TCF12: variants seen among roughly 807,000 people sequenced by gnomAD.
The protein encoded by TCF12 is transcription factor 12, also known as DNA-binding protein HTF4.
A neutral mutation model predicts 86.0 loss-of-function variants in TCF12; 45 were observed. That is an observed-to-expected ratio of 0.52 (90% CI 0.41 to 0.67). The LOEUF (loss-of-function observed/expected upper bound fraction) is 0.67, where lower values mean the gene tolerates loss of function less well. Ranked by LOEUF, TCF12 falls within the 30% of genes least tolerant of loss-of-function variation. The pLI is 0.00. For synonymous variants in TCF12, 330 were observed against 299.6 expected (o/e 1.10, Z -1.05); for missense variants, 881 against 859.9 (o/e 1.02, Z -0.31).
chr15:57,011,433 A>G (rs1354108189), intron 3 of TCF12, among the ~76,000 whole-genome samples: 2 of 152,066 alleles, frequency 1.3e-5, no homozygotes, highest in African/African-American at 4.8e-5. Flanking sequence ...CCTCATCAGA[A>G]GCACATTCTA....
At chr15:57,130,250 C>A (rs2052002067) in intron 5 of TCF12, among the ~76,000 whole-genome samples, 1 of 152,132 alleles carries the variant, frequency 6.6e-6, no homozygotes, top group Admixed American at 6.5e-5. Flanking sequence ...GGTTGAAGAA[C>A]TCTGGTTTCC....
At chr15:57,026,904 T>G (rs778450678) in intron 3 of TCF12, among the ~76,000 whole-genome samples, 38 of 152,328 alleles carry the variant, frequency 2.5e-4, no homozygotes, top group Admixed American at 1.1e-3. Flanking sequence ...CATTTCTAGA[T>G]TACATATAAT....
At chr15:57,106,957 C>T (rs1004035158) in intron 5 of TCF12, among the ~76,000 whole-genome samples, 8 of 152,172 alleles carry the variant, frequency 5.3e-5, no homozygotes, top group Non-Finnish European at 7.4e-5. Context: ...AATTCTTGTT[C>T]GTTGCTGGTG....
intron 5 of TCF12, among the ~76,000 whole-genome samples, chr15:57,142,416 A>G (rs2053043527): frequency 1.3e-5 from 1 of 78,594 alleles, no homozygotes; most frequent in Admixed American, 1.5e-4. Flanking sequence ...ATAGAGCCTG[A>G]GAATAGAGCC....
intron 3 of TCF12, among the ~76,000 whole-genome samples, chr15:56,976,430 G>A (rs1186654849): frequency 1.3e-5 from 2 of 150,910 alleles, no homozygotes; most frequent in Non-Finnish European, 3.0e-5. Context: ...GTAGAGATGG[G>A]GTTTCACCAT....
intron 3 of TCF12, among the ~76,000 whole-genome samples, chr15:57,020,774 G>C (rs1020389340): frequency 3.9e-5 from 6 of 152,162 alleles, no homozygotes; most frequent in Non-Finnish European, 8.8e-5. Context: ...CTATGTGTAG[G>C]TGTAACAATG....
At chr15:57,146,370 C>A (rs2053364347) in intron 5 of TCF12, among the ~76,000 whole-genome samples, 2 of 152,090 alleles carry the variant, frequency 1.3e-5, no homozygotes. Flanking sequence ...ACTAGATATA[C>A]AAATTTGTTA....
intron 3 of TCF12, among the ~76,000 whole-genome samples, chr15:56,971,647 G>C (rs1165945845): frequency 2.0e-5 from 3 of 152,088 alleles, no homozygotes; most frequent in African/African-American, 7.2e-5. Context: ...CTGTTGGAGT[G>C]GGAAAGTGTA....
intron 5 of TCF12, among the ~76,000 whole-genome samples, chr15:57,104,183 C>A (rs1181901215): frequency 6.6e-6 from 1 of 151,722 alleles, no homozygotes; most frequent in Admixed American, 6.6e-5. Flanking sequence ...AGGAGAGACA[C>A]CGTATATGTG....
chr15:57,087,840 G>C (rs757043637), intron 4 of TCF12, among the ~76,000 whole-genome samples: 16 of 152,132 alleles, frequency 1.1e-4, no homozygotes, highest in East Asian at 5.8e-4. Flanking sequence ...TGGCTAAAAG[G>C]CTGGTGTAAT....
intron 13 of TCF12, chr15:57,246,838 G>A (rs2059886200): frequency 2.8e-6 from 1 of 351,628 alleles, no homozygotes; most frequent in South Asian, 2.3e-5. Context: ...TGTTCCTTCT[G>A]TGGCAGATTT....
intron 5 of TCF12, among the ~76,000 whole-genome samples, chr15:57,113,343 G>A (rs955254332): frequency 5.9e-5 from 9 of 152,174 alleles, no homozygotes; most frequent in Non-Finnish European, 1.2e-4. Context: ...TCGCTGAGCA[G>A]CATACCTTAG....
intron 19 of TCF12, among the ~76,000 whole-genome samples, chr15:57,276,329 CTT>C (rs2152112085): frequency 6.6e-6 from 1 of 152,306 alleles, no homozygotes; most frequent in Admixed American, 6.5e-5. Context: ...ATGTGGTAGA[CTT>C]AGCATATGCA....
At chr15:56,941,870 A>T (rs1324942575) in intron 3 of TCF12, among the ~76,000 whole-genome samples, 1 of 152,072 alleles carries the variant, frequency 6.6e-6, no homozygotes, top group Admixed American at 6.6e-5. Flanking sequence ...TCATCTCAGT[A>T]ATCTTCTTTA....
intron 5 of TCF12, among the ~76,000 whole-genome samples, chr15:57,142,413 C>G (rs1689998821): frequency 2.3e-5 from 2 of 86,388 alleles, no homozygotes; most frequent in African/African-American, 6.6e-5. Flanking sequence ...CTCATAGAGC[C>G]TGAGAATAGA....
chr15:56,945,093 G>T (rs1208161419), intron 3 of TCF12, among the ~76,000 whole-genome samples: 1 of 151,882 alleles, frequency 6.6e-6, no homozygotes, highest in Non-Finnish European at 1.5e-5. Flanking sequence ...ACGTTCTTTG[G>T]TTCTATTATA....
chr15:57,272,757 T>G (rs548434006), intron 18 of TCF12, among the ~76,000 whole-genome samples: 43 of 152,366 alleles, frequency 2.8e-4, no homozygotes, highest in Non-Finnish European at 5.6e-4. Flanking sequence ...ATCTTATATT[T>G]ATGAAGAGTT....
chr15:57,178,373 T>C (rs1230511101), intron 6 of TCF12, among the ~76,000 whole-genome samples: 1 of 152,212 alleles, frequency 6.6e-6, no homozygotes, highest in Non-Finnish European at 1.5e-5. Flanking sequence ...CATGCCTAAC[T>C]ATATGTCTAA....
chr15:57,172,934 C>G (rs958194482), intron 6 of TCF12, among the ~76,000 whole-genome samples: 10 of 147,628 alleles, frequency 6.8e-5, no homozygotes, highest in African/African-American at 2.6e-4. Context: ...GACTCTGTCT[C>G]TATTAAAATT....
Sources: allele counts gnomAD v4.1 joint callset (sites outside exome capture counted in the v4.1 genomes callset), GRCh38; gene constraint gnomAD v4.1.1; transcripts MANE v1.5; gene names NCBI Gene and HGNC (gene_info 2026-07-23, HGNC 2026-07-21).